Variants in GRM1 observed in about 807,000 individuals in gnomAD.
GRM1 encodes the protein metabotropic glutamate receptor 1.
A neutral mutation model predicts 90.9 loss-of-function variants in GRM1; 33 were observed. That is an observed-to-expected ratio of 0.36 (90% CI 0.28 to 0.49). GRM1 has a LOEUF of 0.49. Among genes scored for constraint, GRM1 ranks in the 20% least tolerant of loss-of-function variants. The probability of loss-of-function intolerance (pLI) is 0.99; values close to 1 mark genes in which losing one functional copy is unlikely to be tolerated. For missense variants in GRM1, 1,190 were observed against 1,534.3 expected (o/e 0.78, Z 3.75); for synonymous variants, 700 against 613.2 (o/e 1.14, Z -2.09).
At chr6:146,362,417 C>T (rs1292171035) in intron 5 of GRM1, among the ~76,000 whole-genome samples, 2 of 152,100 alleles carry the variant, frequency 1.3e-5, no homozygotes, top group East Asian at 1.9e-4. Flanking sequence ...CGGTGGCTCA[C>T]GCCTGTAATC....
At chr6:146,030,335 C>A (rs1040019574) in intron 1 of GRM1, 118 bp downstream of exon 1, 2 of 795,670 alleles carry the variant, frequency 2.5e-6, no homozygotes, top group East Asian at 2.6e-5. Flanking sequence ...CGGAGTTTAC[C>A]CTTCTCAGTA....
intron 1 of GRM1, among the ~76,000 whole-genome samples, chr6:146,151,056 C>T (rs1419618925): frequency 6.6e-6 from 1 of 151,670 alleles, no homozygotes; most frequent in Non-Finnish European, 1.5e-5. Context: ...TTTTTAAATG[C>T]GACATTCTCT....
chr6:146,186,678 A>G (rs566296392), intron 2 of GRM1, among the ~76,000 whole-genome samples: 2 of 152,316 alleles, frequency 1.3e-5, no homozygotes, highest in Admixed American at 1.3e-4. Context: ...CACAGATCAT[A>G]GTTTTTTTTG....
At chr6:146,429,033 G>T (rs1778313491) in intron 7 of GRM1, among the ~76,000 whole-genome samples, 1 of 152,026 alleles carries the variant, frequency 6.6e-6, no homozygotes, top group African/African-American at 2.4e-5. Context: ...TCTTTGTATT[G>T]TCTTTTATCT....
chr6:146,102,777 CACTT>C (rs1206181079), intron 1 of GRM1, among the ~76,000 whole-genome samples: 4 of 152,160 alleles, frequency 2.6e-5, no homozygotes, highest in East Asian at 1.9e-4. Context: ...TACAAGTACT[CACTT>C]ACTGATTTTT....
intron 1 of GRM1, among the ~76,000 whole-genome samples, chr6:146,095,090 A>C (rs919164199): frequency 2.0e-5 from 3 of 152,264 alleles, no homozygotes; most frequent in African/African-American, 7.2e-5. Flanking sequence ...CTGTCCATAG[A>C]GTGAGTCTTA....
rs1778498841 is a variant in GRM1 at position 146,433,810 on chromosome 6, A to G, written c.2661-62A>G. On this transcript the variant is annotated intron_variant, in intron 7 of 7. Coordinates refer to ENST00000282753, the MANE Select transcript of GRM1 (RefSeq NM_001278064.2). ...TGAGCTAGGTTTGCATATGTTTTCT[A>G]TGTATTTTATCCTGTGTGCATGATC... The G allele has an allele frequency of 2.5e-6, 3 of 1,192,050 alleles. No individual in the cohort carries two copies. In the East Asian group the frequency reaches 7.0e-5, roughly 28 times the overall value. The allele number at this position is 1,192,050 out of a possible 1,614,324, so 73.8% of individuals were successfully genotyped here. A position where few individuals can be genotyped will look rare whatever the true frequency, so the allele number is the denominator to read the frequency against.
chr6:146,379,112 T>C (rs1776219762), intron 5 of GRM1, among the ~76,000 whole-genome samples: 15 of 152,128 alleles, frequency 9.9e-5, no homozygotes, highest in Admixed American at 9.8e-4. Flanking sequence ...GATATTGATA[T>C]CTTACTCTAT....
At chr6:146,409,899 A>AAAAAC (rs1345495107) in intron 7 of GRM1, among the ~76,000 whole-genome samples, 4 of 152,224 alleles carry the variant, frequency 2.6e-5, no homozygotes, top group African/African-American at 9.6e-5. Context: ...CCAGGTAATG[A>AAAAAC]AAAACAACTC....
At chr6:146,372,588 T>C (rs1189084058) in intron 5 of GRM1, among the ~76,000 whole-genome samples, 3 of 152,170 alleles carry the variant, frequency 2.0e-5, no homozygotes, top group African/African-American at 7.2e-5. Flanking sequence ...ATTTTCATAG[T>C]TTAGGTCTTA....
intron 2 of GRM1, among the ~76,000 whole-genome samples, chr6:146,222,574 G>C (rs1048383692): frequency 6.6e-6 from 1 of 152,058 alleles, no homozygotes; most frequent in African/African-American, 2.4e-5. Flanking sequence ...CAGAGAGAGA[G>C]AGAATTTTTT....
intron 1 of GRM1, among the ~76,000 whole-genome samples, chr6:146,109,209 C>A (rs965663432): frequency 2.0e-5 from 3 of 152,172 alleles, no homozygotes; most frequent in Admixed American, 6.5e-5. Context: ...GTTTTTATGG[C>A]AGCCCCCCCA....
chr6:146,392,953 G>T (rs879039542), intron 6 of GRM1, among the ~76,000 whole-genome samples: 1 of 152,132 alleles, frequency 6.6e-6, no homozygotes, highest in African/African-American at 2.4e-5. Context: ...CATTTGGGTT[G>T]GTTCCAAGTT....
chr6:146,162,175 A>G (rs1777752509), intron 2 of GRM1, among the ~76,000 whole-genome samples: 1 of 152,194 alleles, frequency 6.6e-6, no homozygotes, highest in African/African-American at 2.4e-5. Flanking sequence ...ATCAGAAGCC[A>G]TTGTTTGGTT....
Position 146,399,738 on chromosome 6 carries a change from T to G in GRM1, c.2660+39T>G, listed in dbSNP as rs1347256070. 1 of 1,351,170 alleles carries G rather than the reference T, an allele frequency of 7.4e-7. No homozygotes were observed. Among genetic ancestry groups the G allele is most frequent in the East Asian group, 2.4e-5 (1 of 42,028 alleles). The allele number at this position is 1,351,170 out of a possible 1,614,324, so 83.7% of individuals were successfully genotyped here. A position where few individuals can be genotyped will look rare whatever the true frequency, so the allele number is the denominator to read the frequency against. On this transcript the variant is annotated intron_variant, in intron 7 of 7. Transcript: ENST00000282753. The surrounding 1 kb of genome is among the most constrained non-coding windows in gnomAD (Gnocchi z 5.4). ...CCTGTTTGTCTCTCTTTTCTCTTCC[T>G]TTCTCTGTCTCTTTCTCTCTCTCTC...
intron 1 of GRM1, among the ~76,000 whole-genome samples, chr6:146,033,194 G>A (rs1790767469): frequency 6.6e-6 from 1 of 152,066 alleles, no homozygotes; most frequent in African/African-American, 2.4e-5. Context: ...GCAGGATATT[G>A]GAGTAATGGA....
rs1784226748 is a variant in GRM1 at position 146,322,422 on chromosome 6, GTGCTGGGAGACCCAC to G, written c.1186+17581_1186+17595del. On this transcript the variant is annotated intron_variant, in intron 3 of 7. Transcript: ENST00000282753. Reference sequence around the variant, plus strand: ...TGTCCCTTAGCAGAGCTCCAGTGCTGTGCTGGGAGACCCACTGCTCTCTTCAGAGCTGGCAGGCAG... The same window carrying G: ...TGTCCCTTAGCAGAGCTCCAGTGCTGTGCTCTCTTCAGAGCTGGCAGGCAG... 3.3e-5 allele frequency among the ~76,000 whole-genome samples: 5 copies of G among 152,228 alleles called. 1 individual carries two copies. The South Asian group carries it at 1.0e-3, about 32-fold the overall frequency.
In GRM1 at chr6:146,399,272, A is replaced by T; in HGVS notation, c.2233A>T (p.Ile745Phe). Residue 745 changes from isoleucine to phenylalanine, a missense_variant, in exon 7 of 8, where the codon ATC becomes TTC. Ile to Phe is a conservative substitution (Grantham distance 21). Coordinates refer to ENST00000282753, the MANE Select transcript of GRM1 (RefSeq NM_001278064.2). The surrounding 1 kb of genome is among the most constrained non-coding windows in gnomAD (Gnocchi z 5.4). ...SYPSIKEVYLICNTSNLGVVA... is the reference protein window; with the variant it reads ...SYPSIKEVYLFCNTSNLGVVA... ...CCCAAGTATCAAGGAAGTCTACCTT[A>T]TCTGCAATACCAGCAACCTGGGTGT... is the stretch of plus-strand genomic sequence containing the variant. 6.2e-7 allele frequency: 1 copy of T among 1,614,138 alleles called. No individual in the cohort carries two copies. Among genetic ancestry groups the T allele is most frequent in the Non-Finnish European group, 8.5e-7 (1 of 1,180,016 alleles).
At chr6:146,409,731 C>CA (rs1487469997) in intron 7 of GRM1, among the ~76,000 whole-genome samples, 1 of 151,960 alleles carries the variant, frequency 6.6e-6, no homozygotes, top group Non-Finnish European at 1.5e-5. Context: ...ATCAAGTTAA[C>CA]AAAAAATGTA....
Sources: gnomAD v4.1 joint callset for allele counts (sites outside exome capture counted in the v4.1 genomes callset) on GRCh38, gnomAD v4.1.1 for gene constraint, Gnocchi (gnomAD v3.1) non-coding constraint, MANE v1.5 for transcripts, NCBI Gene and HGNC (gene_info 2026-07-23, HGNC 2026-07-21) for gene names.